Variants in VWA2 observed in about 807,000 individuals in gnomAD.
VWA2 encodes von Willebrand factor A domain containing 2.
In VWA2, 73 loss-of-function variants were observed where a neutral mutation model predicts 70.4. The ratio of observed to expected loss-of-function variants is 1.04; its 90% CI spans 0.86 to 1.26. VWA2 has a LOEUF of 1.26. Ranked by LOEUF, VWA2 falls within the 50% of genes most tolerant of loss-of-function variation. The pLI is 0.00. For missense variants in VWA2, 1,011 were observed against 998.5 expected (o/e 1.01, Z -0.17); for synonymous variants, 407 against 423.3 (o/e 0.96, Z 0.47).
chr10:114,253,752 C>T (rs773375930), intron 3 of VWA2, 27 bp downstream of exon 3: 6 of 1,601,146 alleles, frequency 3.7e-6, no homozygotes, highest in Non-Finnish European at 5.1e-6. Context: ...CTTAACCCTC[C>T]AGATGCCCAC....
rs1467554014 is a variant in VWA2 at position 114,292,225 on chromosome 10, C to T, written c.*988C>T. ...CTGGGAGGCGGAAGTTACAGTGAGC[C>T]GAGATCTCACCACTGCACTCCAGCC... is the stretch of plus-strand genomic sequence containing the variant. On this transcript the variant is annotated 3_prime_UTR_variant, in exon 14 of 14. Transcript: ENST00000392982. 3.3e-5 allele frequency among the ~76,000 whole-genome samples: 5 copies of T among 150,982 alleles called. No individual in the cohort carries two copies. The East Asian group carries it at 5.9e-4, about 18-fold the overall frequency.
In VWA2 at chr10:114,258,894, G is replaced by A. The variant is rs76962485; in HGVS notation, c.262-2292G>A. On this transcript the variant is annotated intron_variant, in intron 4 of 13. Coordinates refer to ENST00000392982, the MANE Select transcript of VWA2 (RefSeq NM_001272046.2). Reference sequence around the variant, plus strand: ...CTCACATTTTCATGGAAATCTTTGCGTATCTGTATACAGGTATAATTTTTT... The same window carrying A: ...CTCACATTTTCATGGAAATCTTTGCATATCTGTATACAGGTATAATTTTTT... Among the ~76,000 whole-genome samples the A allele has an allele frequency of 7.4e-3, 1,129 of 152,120 alleles. 11 individuals are homozygous for A. Among genetic ancestry groups the A allele is most frequent in the African/African-American group, 0.026 (1,067 of 41,504 alleles).
intron 5 of VWA2, among the ~76,000 whole-genome samples, chr10:114,269,182 C>T (rs1298570138): frequency 6.6e-6 from 1 of 152,196 alleles, no homozygotes; most frequent in Admixed American, 6.5e-5. Context: ...GGGTAAGTAC[C>T]GTCAGGCCTG....
chr10:114,256,333 T>C (rs1443609640), intron 4 of VWA2, among the ~76,000 whole-genome samples: 1 of 152,194 alleles, frequency 6.6e-6, no homozygotes, highest in Non-Finnish European at 1.5e-5. Context: ...ACAAGTGAAG[T>C]GTCAAAGTAA....
chr10:114,258,474 G>T (rs545072952), intron 4 of VWA2, among the ~76,000 whole-genome samples: 2 of 152,142 alleles, frequency 1.3e-5, no homozygotes, highest in South Asian at 2.1e-4. Flanking sequence ...GTTTCTGAGC[G>T]TACAGTAAAC....
chr10:114,265,844 A>G (rs2037550515), intron 5 of VWA2, among the ~76,000 whole-genome samples: 1 of 152,162 alleles, frequency 6.6e-6, no homozygotes, highest in Non-Finnish European at 1.5e-5. Context: ...CAAACAAGGA[A>G]AGGAGGCACT....
At position 114,255,038 on chromosome 10, in the gene VWA2, G is replaced by A. The variant is rs759060627; in HGVS notation, c.251G>A (p.Ser84Asn). The A allele has an allele frequency of 4.0e-5, 65 of 1,612,064 alleles. No individual in the cohort carries two copies. Among genetic ancestry groups the A allele is most frequent in the Middle Eastern group, 1.8e-4 (1 of 5,432 alleles). The change falls in exon 4 of 14, where the codon AGC (serine) becomes AAC (asparagine). Residue 84 changes from serine to asparagine, a missense_variant. Physicochemically the swap from Ser to Asn is conservative, Grantham distance 46. Transcript: ENST00000392982. ...AITVCDGLDI[S>N]PERVRVGAFQ... ...ACAGTCTGTGACGGTCTGGACATCA[G>A]CCCCGAGAGGGTGAGTGCAAGTCTT...
chr10:114,278,734 C>T lies in VWA2; in HGVS notation c.716C>T (p.Ala239Val). ...GTGGACACAGACTGCAGGGTCGAGG[C>T]TCACCCCTGTGAGCACAGGACGCTG... ...SSATPDCRVE[A>V]HPCEHRTLEM... The change falls in exon 8 of 14, where the codon GCT (alanine) becomes GTT (valine). Residue 239 changes from alanine (A) to valine (V), a missense_variant. Ala to Val is a moderately conservative substitution (Grantham distance 64). Transcript: ENST00000392982. 2 of 1,613,986 alleles carry T rather than the reference C, an allele frequency of 1.2e-6. No homozygotes were observed. Among genetic ancestry groups the T allele is most frequent in the African/African-American group, 1.3e-5 (1 of 75,034 alleles).
chr10:114,260,550 G>A (rs1389115230), intron 4 of VWA2, among the ~76,000 whole-genome samples: 2 of 152,186 alleles, frequency 1.3e-5, no homozygotes, highest in Non-Finnish European at 2.9e-5. Flanking sequence ...ATCAGTGATG[G>A]TGGCTATGGT....
At chr10:114,242,550 T>C (rs765157135) in intron 1 of VWA2, among the ~76,000 whole-genome samples, 7 of 151,942 alleles carry the variant, frequency 4.6e-5, no homozygotes, top group Non-Finnish European at 7.4e-5. Context: ...AGTGCATCTG[T>C]GTACTGTGTG....
Position 114,285,970 on chromosome 10 carries a change from C to T in VWA2, c.1029C>T (p.Asp343=), listed in dbSNP as rs1397659508. Reference sequence around the variant, plus strand: ...AGCTGAGCCTGGAATGCAGGGTCGACCTCCTCTTCCTGCTGGACAGCTCTG... The same window carrying T: ...AGCTGAGCCTGGAATGCAGGGTCGATCTCCTCTTCCTGCTGGACAGCTCTG... ...ALKLSLECRV[D]LLFLLDSSAG... The change falls in exon 11 of 14, where the codon GAC becomes GAT. Residue 343 remains aspartate, a synonymous_variant. Coordinates refer to ENST00000392982, the MANE Select transcript of VWA2 (RefSeq NM_001272046.2). 5 of 1,608,668 alleles carry T rather than the reference C, an allele frequency of 3.1e-6. No homozygotes were observed. Among genetic ancestry groups the T allele is most frequent in the Admixed American group, 1.7e-5 (1 of 59,774 alleles).
chr10:114,283,590 C>T (rs1002693828), intron 9 of VWA2, among the ~76,000 whole-genome samples: 1 of 152,172 alleles, frequency 6.6e-6, no homozygotes, highest in Admixed American at 6.5e-5. Context: ...CCCAGCTTTG[C>T]CTCTTACCAA....
chr10:114,266,899 T>C (rs552246894), intron 5 of VWA2, among the ~76,000 whole-genome samples: 1 of 152,352 alleles, frequency 6.6e-6, no homozygotes, highest in African/African-American at 2.4e-5. Flanking sequence ...TTTGTCCTTT[T>C]TTTTCCCCCT....
intron 2 of VWA2, among the ~76,000 whole-genome samples, chr10:114,253,022 C>G (rs963991369): frequency 6.6e-6 from 1 of 151,416 alleles, no homozygotes; most frequent in African/African-American, 2.4e-5. Flanking sequence ...GAGTGTACCT[C>G]TCTTCTGCTG....
intron 4 of VWA2, among the ~76,000 whole-genome samples, chr10:114,256,365 A>G (rs1325584369): frequency 1.3e-5 from 2 of 152,168 alleles, no homozygotes; most frequent in Non-Finnish European, 2.9e-5. Context: ...TGTGTATAAT[A>G]TGTTACTTTC....
chr10:114,277,827 A>G, intron 6 of VWA2, 87 bp from the exon 7 acceptor site: 2 of 1,479,682 alleles, frequency 1.4e-6, no homozygotes, highest in South Asian at 1.4e-5. Context: ...CTGTGCTGCC[A>G]TCCACAAGGA....
At position 114,277,838 on chromosome 10, in the gene VWA2, A is replaced by G. The variant is rs998953923; in HGVS notation, c.567-76A>G. On this transcript the variant is annotated intron_variant, in intron 6 of 13. Coordinates refer to ENST00000392982, the MANE Select transcript of VWA2 (RefSeq NM_001272046.2). Reference sequence around the variant, plus strand: ...AAATCTGTGCTGCCATCCACAAGGAACCCACGGCCTAGAAGATGAGGGGGC... The same window carrying G: ...AAATCTGTGCTGCCATCCACAAGGAGCCCACGGCCTAGAAGATGAGGGGGC... 6 of 1,507,552 alleles carry G rather than the reference A, an allele frequency of 4.0e-6. No homozygotes were observed. The African/African-American group carries it at 8.2e-5, about 21-fold the overall frequency. The allele number at this position is 1,507,552 out of a possible 1,614,324, so 93.4% of individuals were successfully genotyped here.
At chr10:114,250,190 A>T (rs1321553292) in intron 2 of VWA2, among the ~76,000 whole-genome samples, 1 of 152,252 alleles carries the variant, frequency 6.6e-6, no homozygotes, top group Admixed American at 6.5e-5. Context: ...CATCTTTTCC[A>T]TAAGATGTAA....
intron 10 of VWA2, among the ~76,000 whole-genome samples, chr10:114,285,264 C>G (rs534112717): frequency 5.3e-5 from 8 of 152,288 alleles, no homozygotes; most frequent in Admixed American, 4.6e-4. Flanking sequence ...GGAGTCCACC[C>G]AACTCTGGCT....
Sources: gnomAD v4.1 joint callset for allele counts (sites outside exome capture counted in the v4.1 genomes callset) on GRCh38, gnomAD v4.1.1 for gene constraint, MANE v1.5 for transcripts, NCBI Gene and HGNC (gene_info 2026-07-23, HGNC 2026-07-21) for gene names.